The following FSHR variants were observed in gnomAD, a reference collection of about 807,000 sequenced individuals.
FSHR encodes follicle stimulating hormone receptor, also known as follicle-stimulating hormone receptor.
FSHR carries 46 observed loss-of-function variants against 52.1 expected under a neutral mutation model. The observed-to-expected ratio is 0.88, with a 90% confidence interval of 0.70 to 1.13. FSHR has a LOEUF of 1.13. Among genes scored for constraint, FSHR ranks in the 50% most tolerant of loss-of-function variants. FSHR has a pLI of 0.00. For synonymous variants in FSHR, 399 were observed against 309.6 expected, an observed-to-expected ratio of 1.29 and a Z score of -3.03; for missense variants, 964 against 834.6, an observed-to-expected ratio of 1.16 and a Z score of -1.91.
At chr2:48,981,175 C>T (rs1014314828) in intron 8 of FSHR, among the ~76,000 whole-genome samples, 2 of 152,216 alleles carry the variant, frequency 1.3e-5, no homozygotes, top group Non-Finnish European at 2.9e-5. Context: ...ATATGCCCAA[C>T]ACTCTCCATT....
chr2:49,129,775 C>T (rs1428630688), intron 1 of FSHR, among the ~76,000 whole-genome samples: 1 of 152,186 alleles, frequency 6.6e-6, no homozygotes, highest in South Asian at 2.1e-4. Context: ...ATAGTATTCT[C>T]ATAAATTAGA....
Position 49,125,263 on chromosome 2 carries a change from G to A in FSHR, c.152+29003C>T, listed in dbSNP as rs1437813926. Among the ~76,000 whole-genome samples the A allele has an allele frequency of 2.0e-5, 3 of 152,032 alleles. 1 individual carries two copies. Among genetic ancestry groups the A allele is most frequent in the Non-Finnish European group, 4.4e-5 (3 of 68,022 alleles). Reference sequence around the variant, plus strand: ...TTTCTTGGATTGCATTGGAACAAGAGGAATTGTCTTGGGCCACACGTAAAC... The same window carrying A: ...TTTCTTGGATTGCATTGGAACAAGAAGAATTGTCTTGGGCCACACGTAAAC... On this transcript the variant is annotated intron_variant, in intron 1 of 9. Coordinates refer to ENST00000406846, the MANE Select transcript of FSHR (RefSeq NM_000145.4).
chr2:48,982,813 C>T (rs1675311469), intron 8 of FSHR, 99 bp downstream of exon 8: 2 of 1,050,394 alleles, frequency 1.9e-6, no homozygotes, highest in African/African-American at 1.6e-5. Context: ...AACTTGATGG[C>T]CAGCCCTGTG....
intron 4 of FSHR, among the ~76,000 whole-genome samples, chr2:48,999,263 G>A (rs537665854): frequency 4.3e-4 from 47 of 110,126 alleles, no homozygotes; most frequent in Non-Finnish European, 8.5e-4. Context: ...ATTATTTAAT[G>A]TATTCCTCTC....
chr2:49,129,821 TCTG>T (rs1228296013), intron 1 of FSHR, among the ~76,000 whole-genome samples: 4 of 152,190 alleles, frequency 2.6e-5, no homozygotes, highest in African/African-American at 9.6e-5. Flanking sequence ...TACCATATGG[TCTG>T]GCAGACCCTA....
intron 1 of FSHR, among the ~76,000 whole-genome samples, chr2:49,093,595 C>CTTTT (rs375094387): frequency 7.5e-6 from 1 of 132,944 alleles, no homozygotes; most frequent in Non-Finnish European, 1.6e-5. Flanking sequence ...TTATATTTAT[C>CTTTT]TTTTTTTTTT....
At chr2:49,020,955 A>C (rs573580785) in intron 2 of FSHR, among the ~76,000 whole-genome samples, 5 of 152,232 alleles carry the variant, frequency 3.3e-5, no homozygotes, top group African/African-American at 1.2e-4. Context: ...GGATTGAGGG[A>C]GGGAGAGCAT....
At chr2:49,093,439 C>G (rs1670689909) in intron 1 of FSHR, among the ~76,000 whole-genome samples, 1 of 152,086 alleles carries the variant, frequency 6.6e-6, no homozygotes, top group African/African-American at 2.4e-5. Context: ...TGCAATGTCC[C>G]TCTTTTTTCA....
chr2:49,017,673 C>G, intron 3 of FSHR, 110 bp from the exon 4 acceptor site: 1 of 785,488 alleles, frequency 1.3e-6, no homozygotes, highest in Non-Finnish European at 2.2e-6. Flanking sequence ...CACTCATCCA[C>G]CCATCTATTC....
chr2:49,006,335 ATATGT>A (rs1667075706), intron 4 of FSHR, among the ~76,000 whole-genome samples: 1 of 152,204 alleles, frequency 6.6e-6, no homozygotes, highest in East Asian at 1.9e-4. Context: ...CTGCTCAAGA[ATATGT>A]TATAACTTAT....
At chr2:49,088,064 T>G (rs945479459) in intron 1 of FSHR, among the ~76,000 whole-genome samples, 1 of 152,192 alleles carries the variant, frequency 6.6e-6, no homozygotes, top group African/African-American at 2.4e-5. Context: ...TGTCCACTTA[T>G]AGATGAGGGC....
chr2:49,110,481 A>G (rs1345066273), intron 1 of FSHR, among the ~76,000 whole-genome samples: 2 of 152,182 alleles, frequency 1.3e-5, no homozygotes. Context: ...GATATTCCAT[A>G]AAAGTAAATC....
At chr2:49,013,505 T>TAC (rs1336943282) in intron 4 of FSHR, among the ~76,000 whole-genome samples, 4 of 73,920 alleles carry the variant, frequency 5.4e-5, no homozygotes, top group Non-Finnish European at 1.6e-4. Flanking sequence ...TATATAAATA[T>TAC]ATATATATAT....
chr2:49,115,340 A>C (rs900110254), intron 1 of FSHR, among the ~76,000 whole-genome samples: 4 of 152,080 alleles, frequency 2.6e-5, no homozygotes, highest in African/African-American at 9.7e-5. Flanking sequence ...ACCAAGGTCA[A>C]GGTCATTCAA....
intron 1 of FSHR, among the ~76,000 whole-genome samples, chr2:49,134,160 A>G (rs1672400667): frequency 6.6e-6 from 1 of 152,234 alleles, no homozygotes; most frequent in Non-Finnish European, 1.5e-5. Context: ...AATTTTTACA[A>G]TCTACCCATC....
rs1668420601 is a variant in FSHR, at chr2:49,039,893, T to C, written c.225-19733A>G. On this transcript the variant is annotated intron_variant, in intron 2 of 9. Coordinates refer to ENST00000406846, the MANE Select transcript of FSHR (RefSeq NM_000145.4). ...TATCTTATGGTGGAATTATGTAAAA[T>C]TTTTGTTCTTTATAACTTTCTACAT... is the stretch of plus-strand genomic sequence containing the variant. Among the ~76,000 whole-genome samples the C allele has an allele frequency of 3.4e-5, 5 of 146,412 alleles. 1 individual carries two copies. In the South Asian group the frequency reaches 1.1e-3, roughly 33 times the overall value.
intron 2 of FSHR, among the ~76,000 whole-genome samples, chr2:49,033,107 G>A (rs1050989447): frequency 3.9e-5 from 6 of 152,166 alleles, no homozygotes; most frequent in African/African-American, 1.4e-4. Context: ...TAAGACAGAA[G>A]ATACAGGAAT....
intron 1 of FSHR, among the ~76,000 whole-genome samples, chr2:49,091,975 C>G (rs1301760698): frequency 6.6e-6 from 1 of 152,148 alleles, no homozygotes; most frequent in East Asian, 1.9e-4. Flanking sequence ...GGAGAATTAA[C>G]TATAGTGAAT....
At chr2:49,102,357 G>A (rs550087651) in intron 1 of FSHR, among the ~76,000 whole-genome samples, 1 of 152,258 alleles carries the variant, frequency 6.6e-6, no homozygotes, top group South Asian at 2.1e-4. Flanking sequence ...TAAAGCAGAA[G>A]TTCATCAAGG....
Sources: gnomAD v4.1 joint callset for allele counts (sites outside exome capture counted in the v4.1 genomes callset) on GRCh38, gnomAD v4.1.1 for gene constraint, MANE v1.5 for transcripts, NCBI Gene and HGNC (gene_info 2026-07-23, HGNC 2026-07-21) for gene names.